Variants in NBAS observed in about 807,000 individuals in gnomAD.
NBAS encodes the protein NAG/BC035112 fusion.
NBAS carries 219 observed loss-of-function variants against 302.5 expected under a neutral mutation model. That is an observed-to-expected ratio of 0.72 (90% CI 0.65 to 0.81). NBAS has a LOEUF of 0.81. Ranked by LOEUF, NBAS falls within the 30% of genes least tolerant of loss-of-function variation. The probability of loss-of-function intolerance (pLI) is 0.00; values close to 1 mark genes in which losing one functional copy is unlikely to be tolerated. For synonymous variants in NBAS, 1,118 were observed against 1,021.6 expected (o/e 1.09, Z -1.80); for missense variants, 2,932 against 2,841.6 (o/e 1.03, Z -0.72).
At chr2:15,530,153 CA>C (rs1415764016) in intron 9 of NBAS, among the ~76,000 whole-genome samples, 6 of 152,030 alleles carry the variant, frequency 3.9e-5, no homozygotes, top group African/African-American at 1.4e-4. Context: ...ACACAGGAGC[CA>C]CACATATCAA....
the NBAS span, among the ~76,000 whole-genome samples, chr2:15,154,361 T>C: frequency 6.6e-6 from 1 of 152,202 alleles, no homozygotes; most frequent in Non-Finnish European, 1.5e-5. Context: ...AGAATGATGC[T>C]GTAGCGGGAC....
At chr2:15,103,202 TC>T in the NBAS span, among the ~76,000 whole-genome samples, 23 of 152,242 alleles carry the variant, frequency 1.5e-4, no homozygotes, top group Admixed American at 2.6e-4. Context: ...AGTCCTGTTG[TC>T]CCTGGGTCTA....
At chr2:14,967,446 T>G in the NBAS span, among the ~76,000 whole-genome samples, 1 of 151,948 alleles carries the variant, frequency 6.6e-6, no homozygotes, top group Non-Finnish European at 1.5e-5. Flanking sequence ...GATAGACAAA[T>G]AGATAAAGAA....
chr2:14,889,807 G>C, the NBAS span, among the ~76,000 whole-genome samples: 1 of 152,156 alleles, frequency 6.6e-6, no homozygotes, highest in East Asian at 1.9e-4. Flanking sequence ...AACGGGACAG[G>C]CTTTAAGAAA....
At chr2:14,894,742 A>C in the NBAS span, among the ~76,000 whole-genome samples, 1 of 152,258 alleles carries the variant, frequency 6.6e-6, no homozygotes, top group Admixed American at 6.5e-5. Flanking sequence ...TCAATGCACA[A>C]AATATAAATT....
chr2:15,086,372 CT>C, the NBAS span, among the ~76,000 whole-genome samples: 4 of 152,216 alleles, frequency 2.6e-5, 1 homozygote, highest in Admixed American at 6.5e-5. Context: ...AATAAAGCTC[CT>C]TTTCCTCTTG....
At chr2:14,787,322 T>C in the NBAS span, among the ~76,000 whole-genome samples, 1 of 152,202 alleles carries the variant, frequency 6.6e-6, no homozygotes, top group East Asian at 1.9e-4. Flanking sequence ...TCCATTTACA[T>C]TTAAAGTTAA....
intron 7 of NBAS, among the ~76,000 whole-genome samples, chr2:15,537,368 C>G (rs1423834873): frequency 6.6e-6 from 1 of 152,196 alleles, no homozygotes; most frequent in African/African-American, 2.4e-5. Context: ...TCCCTTTCTT[C>G]CATTAATTTG....
the NBAS span, among the ~76,000 whole-genome samples, chr2:15,160,481 C>T: frequency 6.6e-6 from 1 of 151,600 alleles, no homozygotes; most frequent in Non-Finnish European, 1.5e-5. Flanking sequence ...AAGGAGATTT[C>T]AGACAACTAA....
At chr2:15,517,742 A>T (rs1391439542) in intron 9 of NBAS, among the ~76,000 whole-genome samples, 1 of 152,188 alleles carries the variant, frequency 6.6e-6, no homozygotes, top group African/African-American at 2.4e-5. Flanking sequence ...ACAACACAAT[A>T]TCCAAAACAT....
At chr2:15,553,241 A>G (rs575715270) in intron 5 of NBAS, among the ~76,000 whole-genome samples, 185 bp downstream of exon 5, 17 of 152,344 alleles carry the variant, frequency 1.1e-4, no homozygotes, top group African/African-American at 3.4e-4. Flanking sequence ...AGATAAGCAT[A>G]TAACTCTGAG....
chr2:15,127,381 C>A, the NBAS span, among the ~76,000 whole-genome samples: 1 of 152,220 alleles, frequency 6.6e-6, no homozygotes, highest in East Asian at 1.9e-4. Flanking sequence ...ACACTCCAAG[C>A]AACAAAGACC....
chr2:15,234,694 C>A lies in NBAS; in HGVS notation c.5997G>T (p.Glu1999Asp), dbSNP rs146811814. 1.2e-6 allele frequency: 2 copies of A among 1,614,046 alleles called. No homozygotes were observed. Among genetic ancestry groups the A allele is most frequent in the African/African-American group, 2.7e-5 (2 of 74,912 alleles). ...HLYDLSRSEKEKLHDEAVAIC... is the reference protein window; with the variant it reads ...HLYDLSRSEKDKLHDEAVAIC... ...TAGCCACAGCTTCATCATGAAGTTT[C>A]TCTTTTTCTGATCGGGACAGATCAT... Residue 1999 changes from glutamate to aspartate, a missense_variant, in exon 46 of 52, where the codon GAG becomes GAT. Physicochemically the swap from Glu to Asp is conservative, Grantham distance 45 (BLOSUM62 2). Transcript: ENST00000281513.
chr2:14,899,404 A>G, the NBAS span, among the ~76,000 whole-genome samples: 3 of 152,348 alleles, frequency 2.0e-5, no homozygotes, highest in East Asian at 5.8e-4. Flanking sequence ...AATTTTCCTT[A>G]GTCCAGATCA....
chr2:15,169,574 G>A (rs1388169302), intron 51 of NBAS, among the ~76,000 whole-genome samples: 2 of 152,152 alleles, frequency 1.3e-5, no homozygotes, highest in Non-Finnish European at 2.9e-5. Flanking sequence ...ACAGAGGCAG[G>A]TTCAGTGAGG....
intron 11 of NBAS, among the ~76,000 whole-genome samples, chr2:15,498,776 T>A (rs946972700): frequency 2.6e-5 from 4 of 151,890 alleles, no homozygotes; most frequent in African/African-American, 9.7e-5. Context: ...TCTCTCCTGC[T>A]CCACCATGGT....
the NBAS span, among the ~76,000 whole-genome samples, chr2:14,884,801 T>G: frequency 6.6e-6 from 1 of 152,176 alleles, no homozygotes; most frequent in East Asian, 1.9e-4. Flanking sequence ...GGAAGATCAT[T>G]TTCAGGAATG....
intron 38 of NBAS, among the ~76,000 whole-genome samples, chr2:15,322,661 GATT>G (rs1276449818): frequency 6.6e-6 from 1 of 152,080 alleles, no homozygotes; most frequent in East Asian, 1.9e-4. Context: ...TATAAAGTCA[GATT>G]ATGTTAGGAA....
the NBAS span, among the ~76,000 whole-genome samples, chr2:14,919,543 G>C: frequency 1.3e-5 from 2 of 152,162 alleles, no homozygotes; most frequent in African/African-American, 4.8e-5. Context: ...TGTTTCTGCA[G>C]CATGGCATGT....
Sources: gnomAD v4.1 joint callset for allele counts (sites outside exome capture counted in the v4.1 genomes callset) on GRCh38, gnomAD v4.1.1 for gene constraint, MANE v1.5 for transcripts, NCBI Gene and HGNC (gene_info 2026-07-23, HGNC 2026-07-21) for gene names.